The following DISP1 variants were observed in gnomAD, a reference collection of about 807,000 sequenced individuals.
The protein encoded by DISP1 is dispatched RND transporter family member 1.
In DISP1, 30 loss-of-function variants were observed where a neutral mutation model predicts 37.3. The observed-to-expected ratio is 0.80, with a 90% confidence interval of 0.60 to 1.09. The LOEUF (loss-of-function observed/expected upper bound fraction) is 1.09. DISP1 is among the 50% of genes least tolerant of loss of function. The pLI is 0.00. For synonymous variants in DISP1, 634 were observed against 690.2 expected (o/e 0.92, Z 1.28); for missense variants, 1,598 against 1,879.5 (o/e 0.85, Z 2.77).
At chr1:222,984,127 C>G (rs554513931) in intron 4 of DISP1, among the ~76,000 whole-genome samples, 117 of 151,732 alleles carry the variant, frequency 7.7e-4, no homozygotes, top group Non-Finnish European at 1.4e-3. Flanking sequence ...CATAATAGGC[C>G]AGGCGCAGTG....
intron 3 of DISP1, among the ~76,000 whole-genome samples, chr1:222,949,954 A>G (rs1163810377): frequency 6.6e-6 from 1 of 152,220 alleles, no homozygotes; most frequent in Admixed American, 6.5e-5. Context: ...AAGGCTGAAA[A>G]TAGTCTCTCC....
intron 3 of DISP1, among the ~76,000 whole-genome samples, chr1:222,944,136 T>TA (rs1310969865): frequency 1.3e-5 from 2 of 152,230 alleles, no homozygotes; most frequent in Non-Finnish European, 2.9e-5. Flanking sequence ...GACTATGTGG[T>TA]ATGCTGAGAT....
rs1440438292 is a variant in DISP1, at chr1:222,893,451, C to T, written c.-158-34979C>T. Among the ~76,000 whole-genome samples, 1 of 152,190 alleles carries T rather than the reference C, an allele frequency of 6.6e-6. No individual in the cohort carries two copies. The highest frequency in any genetic ancestry group is 2.4e-5 in the African/African-American group (1 of 41,444). On this transcript the variant is annotated intron_variant, in intron 1 of 8. Coordinates refer to ENST00000675850, the MANE Select transcript of DISP1 (RefSeq NM_001377229.1). This position sits in a 1 kb window ranked among gnomAD's most constrained non-coding sequence, Gnocchi z 4.3. ...TTGGCTCATGCTACCGGCCCGGATCCCACACCTGCCAAAGGCAAGCCAGGC... is the reference window on the plus strand; with the variant it reads ...TTGGCTCATGCTACCGGCCCGGATCTCACACCTGCCAAAGGCAAGCCAGGC...
chr1:222,998,600 C>T (rs1679233804), intron 8 of DISP1, among the ~76,000 whole-genome samples: 1 of 152,126 alleles, frequency 6.6e-6, no homozygotes, highest in African/African-American at 2.4e-5. Context: ...AGTTGATTCC[C>T]CTACTCTTCT....
chr1:222,838,383 T>C (rs1212740500), intron 1 of DISP1, among the ~76,000 whole-genome samples: 3 of 152,198 alleles, frequency 2.0e-5, no homozygotes, highest in Non-Finnish European at 1.5e-5. Flanking sequence ...TCCTGGATTT[T>C]GATTTTCTAA....
chr1:222,872,765 T>G (rs1019841898), intron 1 of DISP1, among the ~76,000 whole-genome samples: 9 of 152,242 alleles, frequency 5.9e-5, no homozygotes, highest in African/African-American at 1.7e-4. Context: ...TTTTCTGTCT[T>G]TATTTCCTGC....
intron 1 of DISP1, among the ~76,000 whole-genome samples, chr1:222,914,760 GA>G (rs1288025713): frequency 6.6e-6 from 1 of 152,094 alleles, no homozygotes; most frequent in Non-Finnish European, 1.5e-5. Flanking sequence ...AGAAGTTCGA[GA>G]CCAGCCTGGG....
intron 7 of DISP1, among the ~76,000 whole-genome samples, 182 bp from the exon 8 acceptor site, chr1:222,994,702 TG>T (rs1678933125): frequency 6.6e-6 from 1 of 152,214 alleles, no homozygotes. Context: ...GACAATATTA[TG>T]GCATTGCTTT....
intron 1 of DISP1, chr1:222,835,296 T>C (rs1000059953): frequency 1.3e-5 from 2 of 152,212 alleles, no homozygotes; most frequent in Admixed American, 6.5e-5. Context: ...TAATTAATGG[T>C]TCTCTTACAC....
chr1:222,939,011 T>G (rs1002029256), intron 2 of DISP1, among the ~76,000 whole-genome samples: 7 of 152,214 alleles, frequency 4.6e-5, no homozygotes, highest in African/African-American at 1.7e-4. Context: ...TCAAATTGAT[T>G]GGTCCCATGT....
At chr1:222,877,388 A>G (rs1185485901) in intron 1 of DISP1, among the ~76,000 whole-genome samples, 1 of 152,084 alleles carries the variant, frequency 6.6e-6, no homozygotes, top group East Asian at 1.9e-4. Context: ...GTGCGGGAGA[A>G]CTCCTATTTA....
At chr1:222,938,351 A>G (rs1054194763) in intron 2 of DISP1, among the ~76,000 whole-genome samples, 1 of 121,268 alleles carries the variant, frequency 8.2e-6, no homozygotes. Context: ...CTCCTATTAT[A>G]CTTATACTTC....
intron 3 of DISP1, among the ~76,000 whole-genome samples, chr1:222,970,282 A>G (rs1220014848): frequency 6.6e-6 from 1 of 152,152 alleles, no homozygotes; most frequent in East Asian, 1.9e-4. Flanking sequence ...TCTAAGGCAG[A>G]CAGATGGAGA....
At chr1:222,978,661 A>T (rs1677593789) in intron 3 of DISP1, among the ~76,000 whole-genome samples, 1 of 152,158 alleles carries the variant, frequency 6.6e-6, no homozygotes, top group African/African-American at 2.4e-5. Context: ...TAGGTCTAAC[A>T]TTTAAGTCTT....
chr1:222,919,451 A>C (rs1672691872), intron 1 of DISP1, among the ~76,000 whole-genome samples: 1 of 152,152 alleles, frequency 6.6e-6, no homozygotes, highest in East Asian at 1.9e-4. Flanking sequence ...TGCTCTGTCT[A>C]CCCAGTAAAT....
chr1:222,846,620 TG>T (rs1471167270), intron 1 of DISP1, among the ~76,000 whole-genome samples: 3 of 152,080 alleles, frequency 2.0e-5, no homozygotes, highest in African/African-American at 4.8e-5. Context: ...ATGAATTGGA[TG>T]GGGAGTGAGC....
At chr1:222,958,025 C>A in intron 3 of DISP1, among the ~76,000 whole-genome samples, 1 of 152,156 alleles carries the variant, frequency 6.6e-6, no homozygotes, top group East Asian at 1.9e-4. Context: ...CGTAGAAATG[C>A]CTTCTTCAGT....
At chr1:222,841,503 C>A (rs1340874573) in intron 1 of DISP1, among the ~76,000 whole-genome samples, 1 of 152,070 alleles carries the variant, frequency 6.6e-6, no homozygotes, top group African/African-American at 2.4e-5. Context: ...GTCTGGGTTC[C>A]AAAGTTTATG....
intron 3 of DISP1, among the ~76,000 whole-genome samples, chr1:222,963,429 C>T (rs1006194367): frequency 2.0e-5 from 3 of 152,022 alleles, no homozygotes; most frequent in African/African-American, 2.4e-5. Context: ...TGGGTATATA[C>T]CTAAAGGATT....
Sources: allele counts gnomAD v4.1 joint callset (sites outside exome capture counted in the v4.1 genomes callset), GRCh38; gene constraint gnomAD v4.1.1; non-coding constraint Gnocchi (gnomAD v3.1); transcripts MANE v1.5; gene names NCBI Gene and HGNC (gene_info 2026-07-23, HGNC 2026-07-21).